Variants in TMPRSS9 observed in about 807,000 individuals in gnomAD.
The protein encoded by TMPRSS9 is transmembrane protease serine 9.
A neutral mutation model predicts 111.4 loss-of-function variants in TMPRSS9; 113 were observed. The observed-to-expected ratio is 1.01, with a 90% CI of 0.87 to 1.19. TMPRSS9 has a LOEUF of 1.19. Among genes scored for constraint, TMPRSS9 ranks in the 50% most tolerant of loss-of-function variants. The pLI is 0.00. For synonymous variants in TMPRSS9, 805 were observed against 659.1 expected, an observed-to-expected ratio of 1.22 and a Z score of -3.39; for missense variants, 1,803 against 1,513.1, an observed-to-expected ratio of 1.19 and a Z score of -3.18.
In TMPRSS9 at chr19:2,403,866, G is replaced by T. The variant is rs192017354; in HGVS notation, c.670+671G>T. On this transcript the variant is annotated intron_variant, in intron 6 of 17. Coordinates refer to ENST00000648592, the Ensembl canonical transcript of TMPRSS9. ...AAATTAGCCGGGCGTGGTGGCGGGC[G>T]CCTGTAGTCCCAGCTATTTGGGAGG... Among the ~76,000 whole-genome samples, 4 of 151,786 alleles carry T rather than the reference G, an allele frequency of 2.6e-5. No homozygotes were observed. In the South Asian group the frequency reaches 8.3e-4, roughly 32 times the overall value.
At chr19:2,409,929 C>T (rs1971059558) in intron 8 of TMPRSS9, among the ~76,000 whole-genome samples, 2 of 151,892 alleles carry the variant, frequency 1.3e-5, no homozygotes, top group African/African-American at 2.4e-5. Context: ...GACCTGAGGC[C>T]AACTTGGAAT....
At chr19:2,362,364 G>T (rs979098283) in intron 1 of TMPRSS9, among the ~76,000 whole-genome samples, 9 of 150,918 alleles carry the variant, frequency 6.0e-5, no homozygotes, top group African/African-American at 2.2e-4. Flanking sequence ...GTGTGACTGT[G>T]CAGCCATGTG....
At position 2,399,877 on chromosome 19, in the gene TMPRSS9, C is replaced by G. The variant is rs112950944; in HGVS notation, c.514+684C>G. ...TCCCGAGTAGCTGGGATTACAGGCA[C>G]GCACCACCACGCCTGGCTAATTTTT... On this transcript the variant is annotated intron_variant, in intron 4 of 17. Transcript: ENST00000648592. Among the ~76,000 whole-genome samples the G allele has an allele frequency of 2.0e-3, 305 of 152,222 alleles. 1 individual carries two copies. The highest frequency in any genetic ancestry group is 7.0e-3 in the African/African-American group (290 of 41,538).
intron 12 of TMPRSS9, among the ~76,000 whole-genome samples, chr19:2,417,277 C>G (rs1452532986): frequency 2.0e-5 from 3 of 152,006 alleles, no homozygotes; most frequent in Admixed American, 6.6e-5. Context: ...ATCAGCCTGG[C>G]CAACATGGTG....
At chr19:2,364,511 G>C (rs907240551) in intron 1 of TMPRSS9, among the ~76,000 whole-genome samples, 3 of 151,878 alleles carry the variant, frequency 2.0e-5, no homozygotes, top group Admixed American at 1.3e-4. Context: ...GCCTCCCAAA[G>C]TGCTGAGATT....
At chr19:2,379,404 C>T (rs1599278382) in intron 1 of TMPRSS9, among the ~76,000 whole-genome samples, 2 of 152,014 alleles carry the variant, frequency 1.3e-5, no homozygotes, top group Non-Finnish European at 2.9e-5. Flanking sequence ...CCAGGATAGT[C>T]TCAATCTCCT....
chr19:2,377,283 ATGTATGTATATATGTATGTATG>A (rs1568169892), intron 1 of TMPRSS9, among the ~76,000 whole-genome samples: 8 of 117,372 alleles, frequency 6.8e-5, no homozygotes, highest in African/African-American at 3.8e-4. Flanking sequence ...GTATGTATGT[ATGTATGTATATATGTATGTATG>A]TATGTATGTA....
At chr19:2,423,700 G>A (rs891313107) in intron 14 of TMPRSS9, among the ~76,000 whole-genome samples, 3 of 152,136 alleles carry the variant, frequency 2.0e-5, no homozygotes, top group African/African-American at 7.2e-5. Flanking sequence ...GCTTGGAGGT[G>A]ATCAGGGATC....
chr19:2,410,501 C>T (rs763235063), intron 9 of TMPRSS9, 107 bp downstream of exon 10: 111 of 1,420,448 alleles, frequency 7.8e-5, no homozygotes, highest in South Asian at 1.2e-4. Flanking sequence ...GAGCCCCCAA[C>T]GCCCCAGACC....
At chr19:2,372,793 A>G (rs1314612048) in intron 1 of TMPRSS9, among the ~76,000 whole-genome samples, 4 of 152,140 alleles carry the variant, frequency 2.6e-5, no homozygotes, top group Non-Finnish European at 5.9e-5. Context: ...ATTTATTTCA[A>G]TTTAGAAATA....
intron 1 of TMPRSS9, among the ~76,000 whole-genome samples, chr19:2,374,175 T>C (rs903326844): frequency 6.6e-6 from 1 of 151,608 alleles, no homozygotes; most frequent in Non-Finnish European, 1.5e-5. Flanking sequence ...TCCTTTTTCT[T>C]GTATTCACGG....
intron 14 of TMPRSS9, 22 bp downstream of exon 15, chr19:2,422,269 T>C: frequency 3.3e-6 from 5 of 1,493,426 alleles, no homozygotes; most frequent in Non-Finnish European, 4.4e-6. Flanking sequence ...GACGGAGGGA[T>C]CCCTGGGAGT....
chr19:2,406,186 T>A (rs1323329302), intron 7 of TMPRSS9, among the ~76,000 whole-genome samples: 1 of 149,090 alleles, frequency 6.7e-6, no homozygotes, highest in East Asian at 2.0e-4. Flanking sequence ...AATTTAATTT[T>A]TTTTTGTATT....
chr19:2,401,814 G>A (rs8105121), intron 4 of TMPRSS9, among the ~76,000 whole-genome samples, 161 bp from the exon 6 acceptor site: 1 of 151,330 alleles, frequency 6.6e-6, no homozygotes, highest in South Asian at 2.1e-4. Context: ...CACCATGTTG[G>A]CCAGGCTGGT....
intron 1 of TMPRSS9, among the ~76,000 whole-genome samples, chr19:2,381,486 C>A (rs1970384488): frequency 6.6e-6 from 1 of 151,936 alleles, no homozygotes; most frequent in African/African-American, 2.4e-5. Flanking sequence ...CTTGGAGATT[C>A]TCTGGCTCGT....
exon 14 of TMPRSS9, chr19:2,422,173 C>T: frequency 6.4e-7 from 1 of 1,570,932 alleles, no homozygotes; most frequent in South Asian, 1.2e-5. Context: ...ACCTTATCTG[C>T]CGTGAGCACC....
chr19:2,401,859 C>T (rs1599296300), intron 4 of TMPRSS9, 116 bp from the exon 6 acceptor site: 3 of 657,048 alleles, frequency 4.6e-6, no homozygotes, highest in East Asian at 4.9e-5. Flanking sequence ...CCACCCGCCT[C>T]AGCCTCCCAA....
In TMPRSS9 at chr19:2,416,815, C is replaced by A. The variant is rs776904335; in HGVS notation, c.2017+6C>A. 6.2e-7 allele frequency: 1 copy of A among 1,600,212 alleles called. No homozygotes were observed. Among genetic ancestry groups the A allele is most frequent in the African/African-American group, 1.3e-5 (1 of 74,896 alleles). On this transcript the variant is annotated splice_donor_region_variant and intron_variant, in intron 12 of 17. Transcript: ENST00000648592. ...AAATACGCAGGAAGGAAATGGTGAG[C>A]GCTGCCCCATCGAGGGGAACGGTGG...
At chr19:2,424,440 C>T (rs1971549236) in intron 15 of TMPRSS9, among the ~76,000 whole-genome samples, 183 bp downstream of exon 16, 2 of 150,772 alleles carry the variant, frequency 1.3e-5, no homozygotes, top group South Asian at 2.1e-4. Flanking sequence ...CTGCAGCCCT[C>T]CCCTGACCAC....
Sources: gnomAD v4.1 joint callset for allele counts (sites outside exome capture counted in the v4.1 genomes callset) on GRCh38, gnomAD v4.1.1 for gene constraint, MANE v1.5 for transcripts, NCBI Gene and HGNC (gene_info 2026-07-23, HGNC 2026-07-21) for gene names.